The following LBP variants were observed in gnomAD, a reference collection of about 807,000 sequenced individuals.
LBP encodes lipopolysaccharide-binding protein.
In LBP, 53 loss-of-function variants were observed where a neutral mutation model predicts 56.6. The observed-to-expected ratio is 0.94, with a 90% CI of 0.75 to 1.18. The LOEUF is 1.18. LBP is among the 50% of genes most tolerant of loss of function. LBP has a pLI of 0.00. For synonymous variants in LBP, 227 were observed against 247.5 expected, an observed-to-expected ratio of 0.92 and a Z score of 0.78; for missense variants, 601 against 598.3, an observed-to-expected ratio of 1.00 and a Z score of -0.05.
intron 14 of LBP, among the ~76,000 whole-genome samples, chr20:38,375,109 G>A (rs1568837648): frequency 6.6e-6 from 1 of 151,302 alleles, no homozygotes; most frequent in Non-Finnish European, 1.5e-5. Context: ...CACTATATAT[G>A]TTTACAAAAA....
At chr20:38,357,177 G>A (rs909764106) in intron 5 of LBP, among the ~76,000 whole-genome samples, 2 of 152,142 alleles carry the variant, frequency 1.3e-5, no homozygotes, top group Admixed American at 6.6e-5. Flanking sequence ...TCTTAACCTC[G>A]ACCTTGGAAG....
chr20:38,348,505 A>G (rs6025049), intron 1 of LBP, among the ~76,000 whole-genome samples: 127,153 of 152,022 alleles, frequency 0.84, 53,309 homozygotes, highest in Admixed American at 0.87. Context: ...TAGAGACAGG[A>G]TTTCACTATG....
At chr20:38,376,258 G>A (rs755242017) in intron 14 of LBP, among the ~76,000 whole-genome samples, 12 of 152,188 alleles carry the variant, frequency 7.9e-5, no homozygotes, top group Non-Finnish European at 1.6e-4. Flanking sequence ...TTGGCCTTCG[G>A]TTCAGAATTC....
At chr20:38,359,728 T>A (rs1012448588) in intron 5 of LBP, among the ~76,000 whole-genome samples, 1 of 152,210 alleles carries the variant, frequency 6.6e-6, no homozygotes, top group Non-Finnish European at 1.5e-5. Context: ...CCAGTTGGAC[T>A]TTTCAAAGTC....
At position 38,348,590 on chromosome 20, in the gene LBP, G is replaced by A. The variant is rs540608052; in HGVS notation, c.125-958G>A. On this transcript the variant is annotated intron_variant, in intron 1 of 14. Transcript: ENST00000217407. Reference sequence around the variant, plus strand: ...TGGGATTACAGGCGTGAGCCACTGCGCCCGACCCCTTTCCATATTTTTAAT... The same window carrying A: ...TGGGATTACAGGCGTGAGCCACTGCACCCGACCCCTTTCCATATTTTTAAT... 2.2e-4 allele frequency among the ~76,000 whole-genome samples: 33 copies of A among 152,064 alleles called. 2 individuals are homozygous for A. The South Asian group carries it at 6.0e-3, about 28-fold the overall frequency.
chr20:38,365,927 T>C (rs751988849), intron 8 of LBP, among the ~76,000 whole-genome samples: 28 of 151,998 alleles, frequency 1.8e-4, no homozygotes, highest in Non-Finnish European at 4.0e-4. Context: ...AAAAGATACA[T>C]GATTTCATGA....
chr20:38,360,788 C>T lies in LBP; in HGVS notation c.652+21C>T, dbSNP rs149908013. On this transcript the variant is annotated intron_variant, in intron 6 of 14. Transcript: ENST00000217407. ...GCCAGGTAGGACACCCCATCCATCCCGGGACACTTTTATTTCTGTTAATTT... is the reference window on the plus strand; with the variant it reads ...GCCAGGTAGGACACCCCATCCATCCTGGGACACTTTTATTTCTGTTAATTT... 154 of 1,568,914 alleles carry T rather than the reference C, an allele frequency of 9.8e-5. No individual in the cohort carries two copies. In the East Asian group the frequency reaches 2.6e-3, roughly 27 times the overall value.
chr20:38,375,391 G>A (rs1457366470), intron 14 of LBP, among the ~76,000 whole-genome samples: 3 of 151,666 alleles, frequency 2.0e-5, no homozygotes, highest in East Asian at 2.0e-4. Flanking sequence ...GACCAGCCTG[G>A]CCAACATGGT....
chr20:38,350,953 G>T lies in LBP; in HGVS notation c.368+14G>T, dbSNP rs770222646. ...CAAGTCATTCTTGTAAGTTGGCTCT[G>T]CTCCCAGGCCCTGGAGCTCTTGGCC... is the stretch of plus-strand genomic sequence containing the variant. On this transcript the variant is annotated intron_variant, in intron 3 of 14. Transcript: ENST00000217407. 3.3e-5 allele frequency: 53 copies of T among 1,611,682 alleles called. No homozygotes were observed. The South Asian group carries it at 5.8e-4, about 18-fold the overall frequency.
chr20:38,376,061 G>A (rs193121064), intron 14 of LBP, among the ~76,000 whole-genome samples: 30 of 152,308 alleles, frequency 2.0e-4, no homozygotes, highest in Admixed American at 1.4e-3. Flanking sequence ...GGACATAACC[G>A]AAATGTCAGT....
At chr20:38,363,564 C>T (rs2122614261) in intron 6 of LBP, among the ~76,000 whole-genome samples, 1 of 152,312 alleles carries the variant, frequency 6.6e-6, no homozygotes, top group Non-Finnish European at 1.5e-5. Context: ...GGTCGGCAAC[C>T]CGGTACTGGG....
intron 1 of LBP, among the ~76,000 whole-genome samples, chr20:38,348,403 C>A (rs1370621299): frequency 6.6e-6 from 1 of 151,886 alleles, no homozygotes; most frequent in Non-Finnish European, 1.5e-5. Context: ...ACCTCCGACT[C>A]CCTGGTTCAA....
chr20:38,359,592 CAACAACAA>C (rs1240699004), intron 5 of LBP, among the ~76,000 whole-genome samples: 2 of 134,238 alleles, frequency 1.5e-5, no homozygotes, highest in African/African-American at 7.0e-5. Flanking sequence ...AAAAAACAAA[CAACAACAA>C]AAAAAAAAAC....
intron 12 of LBP, among the ~76,000 whole-genome samples, chr20:38,372,045 T>G (rs977630304): frequency 6.6e-6 from 1 of 152,110 alleles, no homozygotes; most frequent in Non-Finnish European, 1.5e-5. Context: ...AGGGATTGAG[T>G]GCTGAGCAGG....
At chr20:38,349,246 A>G (rs1028358709) in intron 1 of LBP, among the ~76,000 whole-genome samples, 4 of 152,194 alleles carry the variant, frequency 2.6e-5, no homozygotes, top group Non-Finnish European at 5.9e-5. Context: ...ATGGAGAACA[A>G]GAAGGAGGAC....
chr20:38,364,652 A>G lies in LBP; in HGVS notation c.821A>G (p.Asn274Ser). 2.5e-6 allele frequency: 4 copies of G among 1,614,084 alleles called. No individual in the cohort carries two copies. The highest frequency in any genetic ancestry group is 3.4e-6 in the Non-Finnish European group (4 of 1,180,010). The change falls in exon 8 of 15, where the codon AAC becomes AGC. Residue 274 changes from asparagine (N) to serine (S), a missense_variant. By Grantham distance (46) the Asn-to-Ser change is conservative (BLOSUM62 1). Transcript: ENST00000217407. ...AAVMSLPEEH[N>S]KMVYFAISDY... Reference sequence around the variant, plus strand: ...GTCATGAGCCTTCCTGAGGAACACAACAAAATGGTCTACTTTGCCATCTCG... The same window carrying G: ...GTCATGAGCCTTCCTGAGGAACACAGCAAAATGGTCTACTTTGCCATCTCG...
At chr20:38,369,457 T>C (rs1370503278) in intron 10 of LBP, among the ~76,000 whole-genome samples, 1 of 152,226 alleles carries the variant, frequency 6.6e-6, no homozygotes, top group African/African-American at 2.4e-5. Flanking sequence ...TATGTGAGTC[T>C]GGGCTATTGT....
intron 14 of LBP, among the ~76,000 whole-genome samples, chr20:38,375,494 T>C (rs2083953757): frequency 6.6e-6 from 1 of 151,870 alleles, no homozygotes; most frequent in South Asian, 2.1e-4. Flanking sequence ...GGCAGGAGAA[T>C]GGCTTGAACA....
At chr20:38,362,073 T>G (rs1195894381) in intron 6 of LBP, among the ~76,000 whole-genome samples, 1 of 142,170 alleles carries the variant, frequency 7.0e-6, no homozygotes, top group East Asian at 2.1e-4. Flanking sequence ...TTTTTTTTTT[T>G]TGTGAGACGG....
Sources: allele counts gnomAD v4.1 joint callset (sites outside exome capture counted in the v4.1 genomes callset), GRCh38; gene constraint gnomAD v4.1.1; transcripts MANE v1.5; gene names NCBI Gene and HGNC (gene_info 2026-07-23, HGNC 2026-07-21).